TOPORS: variants seen among roughly 807,000 people sequenced by gnomAD.
TOPORS encodes the protein E3 ubiquitin-protein ligase Topors.
Under a neutral mutation model 81.4 loss-of-function variants are expected in TOPORS, and 25 were observed. The observed-to-expected ratio is 0.31, with a 90% confidence interval of 0.22 to 0.43. The LOEUF (loss-of-function observed/expected upper bound fraction) is 0.43, where lower values mean the gene tolerates loss of function less well. Among genes scored for constraint, TOPORS ranks in the 20% least tolerant of loss-of-function variants. TOPORS has a pLI of 1.00. For synonymous variants in TOPORS, 473 were observed against 456.6 expected, an observed-to-expected ratio of 1.04 and a Z score of -0.46; for missense variants, 1,101 against 1,267.0, an observed-to-expected ratio of 0.87 and a Z score of 1.99.
rs1366285652 is a variant in TOPORS at position 32,540,960 on chromosome 9, G to A, written c.*427C>T. 1 of 153,054 alleles carries A rather than the reference G, an allele frequency of 6.5e-6. No individual in the cohort carries two copies. The highest frequency in any genetic ancestry group is 1.4e-5 in the Non-Finnish European group (1 of 69,096). The allele number at this position is 153,054 out of a possible 1,614,324, so 9.5% of individuals were successfully genotyped here. ...GGTTTTGAATCATATAAATTTTTAA[G>A]AAGAAAAATAAAGACTGTCCAAAGG... On this transcript the variant is annotated 3_prime_UTR_variant, in exon 3 of 3. Transcript: ENST00000360538.
At chr9:32,545,258 A>G (rs1363881418) in intron 2 of TOPORS, among the ~76,000 whole-genome samples, 1 of 152,032 alleles carries the variant, frequency 6.6e-6, no homozygotes, top group Admixed American at 6.6e-5. Flanking sequence ...CTTTAATCCA[A>G]AAGTCAGGCC....
At position 32,543,140 on chromosome 9, in the gene TOPORS, T is replaced by G; in HGVS notation, c.1385A>C (p.Gln462Pro). ...GTCATTATTTAGGTCGTCATTGGTT[T>G]GTACTCCTTGTATCTGAGACGTGGC... is the stretch of plus-strand genomic sequence containing the variant. ...GGATSQIQGV[Q>P]TNDDLNNDSD... is the part of the protein sequence containing the mutation. Residue 462 changes from glutamine (Q) to proline (P), a missense_variant, in exon 3 of 3, where the codon CAA (glutamine) becomes CCA (proline). Transcript: ENST00000360538. The surrounding 1 kb of genome is among the most constrained non-coding windows in gnomAD (Gnocchi z 5.6). 1 of 1,614,124 alleles carries G rather than the reference T, an allele frequency of 6.2e-7. No individual in the cohort carries two copies. The highest frequency in any genetic ancestry group is 2.2e-5 in the East Asian group (1 of 44,886).
In TOPORS at chr9:32,543,247, T is replaced by C. The variant is rs1821097130; in HGVS notation, c.1278A>G (p.Ser426=). 1 of 1,613,722 alleles carries C rather than the reference T, an allele frequency of 6.2e-7. No homozygotes were observed. Among genetic ancestry groups the C allele is most frequent in the Admixed American group, 1.7e-5 (1 of 60,016 alleles). The change falls in exon 3 of 3, where the codon TCA becomes TCG. Residue 426 remains serine (S), a synonymous_variant. Coordinates refer to ENST00000360538, the MANE Select transcript of TOPORS (RefSeq NM_005802.5). The surrounding 1 kb of genome is among the most constrained non-coding windows in gnomAD (Gnocchi z 5.6). ...WDDETPGPSY[S]SSEQVHVTMS... is the part of the protein sequence containing the mutation. ...TAGTAACGTGTACCTGCTCTGAGCT[T>C]GAGTAAGATGGTCCTGGAGTTTCAT...
Position 32,541,961 on chromosome 9 carries a change from T to C in TOPORS, c.2564A>G (p.His855Arg), listed in dbSNP as rs773681678. Residue 855 changes from histidine (H) to arginine (R), a missense_variant, in exon 3 of 3, where the codon CAC becomes CGC. By Grantham distance (29) the His-to-Arg change is conservative (BLOSUM62 0). Around this residue, in one of 9 missense-constraint regions of TOPORS, gnomAD observed 605 missense variants for 636.1 expected, o/e 0.95. Transcript: ENST00000360538. ...DSRSSDRETK[H>R]KRRKRKTRSL... Reference sequence around the variant, plus strand: ...CCGGGTCTTCCTTTTTCTCCTTTTGTGTTTTGTCTCTCTGTCTGATGATCG... The same window carrying C: ...CCGGGTCTTCCTTTTTCTCCTTTTGCGTTTTGTCTCTCTGTCTGATGATCG... 6.2e-7 allele frequency: 1 copy of C among 1,613,392 alleles called. No homozygotes were observed. Among genetic ancestry groups the C allele is most frequent in the African/African-American group, 1.3e-5 (1 of 74,892 alleles).
intron 2 of TOPORS, 84 bp downstream of exon 2, chr9:32,550,690 G>T: frequency 1.3e-6 from 2 of 1,534,354 alleles, no homozygotes; most frequent in Non-Finnish European, 9.0e-7. Context: ...CAACCCTCGG[G>T]TCCCGAGGCG....
chr9:32,548,388 G>C (rs1388688240), intron 2 of TOPORS, among the ~76,000 whole-genome samples: 1 of 151,762 alleles, frequency 6.6e-6, no homozygotes, highest in Non-Finnish European at 1.5e-5. Flanking sequence ...GCCGGGCGTG[G>C]TGGCGCATGC....
In TOPORS at chr9:32,542,169, G is replaced by A. The variant is rs377039609; in HGVS notation, c.2356C>T (p.Arg786Trp). 1.1e-5 allele frequency: 18 copies of A among 1,613,996 alleles called. No homozygotes were observed. The highest frequency in any genetic ancestry group is 1.6e-4 in the Middle Eastern group (1 of 6,084). ...CCTCCAGGCTTTTCATTTCTCACCC[G>A]GTCAGTCCCGGTAGATGCAGTCCTT... is the stretch of plus-strand genomic sequence containing the variant. The part of the protein sequence containing the change: ...RSRTASTGTD[R>W]VRNEKPGGKR... The change falls in exon 3 of 3, where the codon CGG becomes TGG. Residue 786 changes from arginine (R) to tryptophan (W), a missense_variant. Physicochemically the swap from Arg to Trp is moderately radical, Grantham distance 101. This residue lies in a region of TOPORS where 605 missense variants were observed against 636.1 expected (regional missense o/e 0.95). Transcript: ENST00000360538.
At chr9:32,549,035 C>T (rs1260189792) in intron 2 of TOPORS, among the ~76,000 whole-genome samples, 2 of 151,736 alleles carry the variant, frequency 1.3e-5, no homozygotes, top group Non-Finnish European at 2.9e-5. Flanking sequence ...TATGGCCGGG[C>T]GTGGTGGCTC....
chr9:32,548,388 G>T (rs1388688240), intron 2 of TOPORS, among the ~76,000 whole-genome samples: 1 of 151,762 alleles, frequency 6.6e-6, no homozygotes. Context: ...GCCGGGCGTG[G>T]TGGCGCATGC....
intron 2 of TOPORS, among the ~76,000 whole-genome samples, chr9:32,550,291 A>C (rs1248464007): frequency 6.6e-6 from 1 of 152,218 alleles, no homozygotes; most frequent in Non-Finnish European, 1.5e-5. Context: ...CACAACACAG[A>C]CAAGTCCCAA....
chr9:32,549,622 C>T (rs1353301657), intron 2 of TOPORS, among the ~76,000 whole-genome samples: 2 of 152,144 alleles, frequency 1.3e-5, no homozygotes, highest in Non-Finnish European at 2.9e-5. Context: ...AAGTGAATTT[C>T]GGTAGCTCAT....
chr9:32,546,721 A>C (rs1821144756), intron 2 of TOPORS, among the ~76,000 whole-genome samples: 1 of 152,350 alleles, frequency 6.6e-6, no homozygotes, highest in Non-Finnish European at 1.5e-5. Flanking sequence ...TTTTAAAAAA[A>C]TGAAACCTTA....
chr9:32,542,165 A>G lies in TOPORS; in HGVS notation c.2360T>C (p.Val787Ala). 6.2e-7 allele frequency: 1 copy of G among 1,613,948 alleles called. No individual in the cohort carries two copies. Among genetic ancestry groups the G allele is most frequent in the South Asian group, 1.1e-5 (1 of 91,062 alleles). The change falls in exon 3 of 3, where the codon GTG (valine) becomes GCG (alanine). Residue 787 changes from valine (V) to alanine (A), a missense_variant. This residue lies in a region of TOPORS where 605 missense variants were observed against 636.1 expected (regional missense o/e 0.95). Coordinates refer to ENST00000360538, the MANE Select transcript of TOPORS (RefSeq NM_005802.5). ...SRTASTGTDRVRNEKPGGKRK... is the reference protein window; with the variant it reads ...SRTASTGTDRARNEKPGGKRK... ...TTTCCCTCCAGGCTTTTCATTTCTC[A>G]CCCGGTCAGTCCCGGTAGATGCAGT...
In TOPORS at chr9:32,542,381, C is replaced by T. The variant is rs773111756; in HGVS notation, c.2144G>A (p.Gly715Glu). The T allele has an allele frequency of 3.7e-6, 6 of 1,613,864 alleles. No individual in the cohort carries two copies. Among genetic ancestry groups the T allele is most frequent in the South Asian group, 3.3e-5 (3 of 91,084 alleles). ...CCTCCTCCTGTAAGATGATTCGTAC[C>T]CATCCCTGTCCTTGTTTCTACTGTA... ...TYYSRNKDRD[G>E]YESSYRRRTL... is the part of the protein sequence containing the mutation. Residue 715 changes from glycine (G) to glutamate (E), a missense_variant, in exon 3 of 3, where the codon GGG (glycine) becomes GAG (glutamate). Gly to Glu is a moderately conservative substitution (Grantham distance 98, BLOSUM62 -2). Around this residue, in one of 9 missense-constraint regions of TOPORS, gnomAD observed 605 missense variants for 636.1 expected, o/e 0.95. Coordinates refer to ENST00000360538, the MANE Select transcript of TOPORS (RefSeq NM_005802.5).
intron 2 of TOPORS, among the ~76,000 whole-genome samples, chr9:32,546,754 A>T (rs1821145157): frequency 6.6e-6 from 1 of 152,244 alleles, no homozygotes; most frequent in African/African-American, 2.4e-5. Context: ...CTAGTTTTAT[A>T]AGCCTGTTAA....
rs773650423 is a variant in TOPORS, at chr9:32,550,802, G to A, written c.170C>T (p.Pro57Leu). 10 of 1,612,548 alleles carry A rather than the reference G, an allele frequency of 6.2e-6. No homozygotes were observed. Among genetic ancestry groups the A allele is most frequent in the South Asian group, 5.5e-5 (5 of 91,058 alleles). Residue 57 changes from proline (P) to leucine (L), a missense_variant, in exon 2 of 3, where the codon CCA becomes CTA. This residue lies in a region of TOPORS where 131 missense variants were observed against 101.0 expected (regional missense o/e 1.30). Transcript: ENST00000360538. Reference sequence around the variant, plus strand: ...GGAGGATGCCGGCGCAGGCCTGGCTGGGGCGCTCGCCGCGAGCTCCCGGCA... The same window carrying A: ...GGAGGATGCCGGCGCAGGCCTGGCTAGGGCGCTCGCCGCGAGCTCCCGGCA... ...LGCRELAASAPARPAPASSEI... is the reference protein window; with the variant it reads ...LGCRELAASALARPAPASSEI...
intron 1 of TOPORS, 49 bp downstream of exon 1, chr9:32,552,374 GAGGTTACTGTA>G: frequency 6.2e-7 from 1 of 1,600,036 alleles, no homozygotes; most frequent in Non-Finnish European, 8.5e-7. Flanking sequence ...CACCGCCTGG[GAGGTTACTGTA>G]AGGCCCGCAG....
Position 32,542,333 on chromosome 9 carries a change from G to T in TOPORS, c.2192C>A (p.Ser731Tyr), listed in dbSNP as rs1398000730. The T allele has an allele frequency of 6.2e-7, 1 of 1,614,098 alleles. No individual in the cohort carries two copies. Among genetic ancestry groups the T allele is most frequent in the Non-Finnish European group, 8.5e-7 (1 of 1,180,024 alleles). ...RRRTLSRAHYSRQSSSPEFRV... is the reference protein window; with the variant it reads ...RRRTLSRAHYYRQSSSPEFRV... ...AAATTCTGGACTTGAAGACTGTCTA[G>T]AATAATGAGCTCTGGACAGAGTCCT... Residue 731 changes from serine to tyrosine, a missense_variant, in exon 3 of 3, where the codon TCT becomes TAT. Ser to Tyr is a moderately radical substitution (Grantham distance 144). Transcript: ENST00000360538.
intron 1 of TOPORS, chr9:32,551,948 G>A (rs940454059): frequency 1.6e-5 from 5 of 306,032 alleles, no homozygotes; most frequent in Non-Finnish European, 2.8e-5. Context: ...AGATGAACAG[G>A]CGAACGTCCA....
Sources: allele counts gnomAD v4.1 joint callset (sites outside exome capture counted in the v4.1 genomes callset), GRCh38; gene constraint gnomAD v4.1.1; regional missense constraint gnomAD v4.1.1; non-coding constraint Gnocchi (gnomAD v3.1); transcripts MANE v1.5; gene names NCBI Gene and HGNC (gene_info 2026-07-23, HGNC 2026-07-21).